MRPS6: variants seen among roughly 807,000 people sequenced by gnomAD.
MRPS6 encodes small ribosomal subunit protein bS6m.
Under a neutral mutation model 13.1 loss-of-function variants are expected in MRPS6, and 6 were observed. That is an observed-to-expected ratio of 0.46 (90% CI 0.25 to 0.91). The LOEUF (loss-of-function observed/expected upper bound fraction) is 0.91, where lower values mean the gene tolerates loss of function less well. Among genes scored for constraint, MRPS6 ranks in the 40% least tolerant of loss-of-function variants. MRPS6 has a pLI of 0.18. For synonymous variants in MRPS6, 61 were observed against 56.5 expected, an observed-to-expected ratio of 1.08 and a Z score of -0.36; for missense variants, 164 against 155.6, an observed-to-expected ratio of 1.05 and a Z score of -0.29.
At chr21:34,085,899 G>C (rs1292870763) in intron 1 of MRPS6, among the ~76,000 whole-genome samples, 1 of 152,138 alleles carries the variant, frequency 6.6e-6, no homozygotes, top group African/African-American at 2.4e-5. Flanking sequence ...ACTGCGCCCG[G>C]CCAGAAATAA....
intron 1 of MRPS6, among the ~76,000 whole-genome samples, chr21:34,090,567 A>G (rs1241255488): frequency 6.6e-6 from 1 of 152,246 alleles, no homozygotes; most frequent in Admixed American, 6.5e-5. Flanking sequence ...TAACTTGGGA[A>G]AATCCTAATA....
intron 2 of MRPS6, among the ~76,000 whole-genome samples, chr21:34,126,132 G>A (rs551785462): frequency 4.8e-4 from 73 of 152,256 alleles, no homozygotes; most frequent in Non-Finnish European, 9.6e-4. Flanking sequence ...AGGTTTTAGC[G>A]CGGTAGGAAA....
At chr21:34,081,531 A>G (rs938526570) in intron 1 of MRPS6, among the ~76,000 whole-genome samples, 5 of 152,206 alleles carry the variant, frequency 3.3e-5, no homozygotes, top group Admixed American at 2.6e-4. Flanking sequence ...TGGATGTGTT[A>G]CCATAGAATA....
At chr21:34,077,682 C>T (rs143033418) in intron 1 of MRPS6, among the ~76,000 whole-genome samples, 2,083 of 152,200 alleles carry the variant, frequency 0.014, 10 homozygotes, top group Non-Finnish European at 0.023. Flanking sequence ...TAATACTCAA[C>T]GCAGATTATA....
chr21:34,073,716 CT>C lies in MRPS6; in HGVS notation c.17del (p.Leu6ArgfsTer3). 6.5e-7 allele frequency: 1 copy of C among 1,529,450 alleles called. No individual in the cohort carries two copies. The highest frequency in any genetic ancestry group is 8.8e-7 in the Non-Finnish European group (1 of 1,132,180). 94.7% of individuals were successfully genotyped at this position (1,529,450 alleles called of 1,614,324 possible). On this transcript the variant is annotated frameshift_variant, in exon 1 of 3. Coordinates refer to ENST00000399312, the MANE Select transcript of MRPS6 (RefSeq NM_032476.4). LOFTEE classifies it high-confidence loss of function. The stretch of plus-strand genomic sequence containing the variant: ...TCCTCCAGGCATGCCCCGCTACGAG[CT>C]GGCTTTAATCCTGAAAGCCATGCAG... Reference protein sequence around the residue: MPRYELALILKAMQRP... With the variant: MPRYEXALILKAMQRP...
At chr21:34,135,923 C>G (rs1602968308) in intron 2 of MRPS6, 1 of 459,918 alleles carries the variant, frequency 2.2e-6, no homozygotes, top group East Asian at 4.8e-5. Context: ...GCATACTTCT[C>G]CTTCACTGCA....
intron 1 of MRPS6, among the ~76,000 whole-genome samples, chr21:34,088,863 G>T (rs1245819568): frequency 6.6e-6 from 1 of 151,394 alleles, no homozygotes; most frequent in Non-Finnish European, 1.5e-5. Context: ...ACTTAGGTTA[G>T]TGTAAGATTT....
chr21:34,083,693 C>A (rs1373038190), intron 1 of MRPS6, among the ~76,000 whole-genome samples: 6 of 152,168 alleles, frequency 3.9e-5, no homozygotes, highest in African/African-American at 1.2e-4. Context: ...CACCAAGTTT[C>A]CATTAGGCAG....
intron 1 of MRPS6, among the ~76,000 whole-genome samples, chr21:34,088,228 G>A (rs1227856928): frequency 4.1e-5 from 1 of 24,680 alleles, no homozygotes; most frequent in Admixed American, 5.7e-4. Flanking sequence ...ACTGGGTCAA[G>A]TATAGAATAC....
intron 1 of MRPS6, chr21:34,124,901 T>C (rs1980246365): frequency 6.5e-6 from 1 of 154,118 alleles, no homozygotes; most frequent in Non-Finnish European, 1.4e-5. Context: ...GACAACACCT[T>C]TTCCCCCTGG....
At chr21:34,132,403 C>G (rs1004386906) in intron 2 of MRPS6, among the ~76,000 whole-genome samples, 1 of 152,206 alleles carries the variant, frequency 6.6e-6, no homozygotes, top group African/African-American at 2.4e-5. Context: ...ATGCCAGTCA[C>G]CAGCTGTGCA....
At chr21:34,103,397 G>A in intron 1 of MRPS6, 10 of 995,200 alleles carry the variant, frequency 1.0e-5, no homozygotes, top group Non-Finnish European at 1.2e-5. Flanking sequence ...AGGTAGTTCT[G>A]TATTTGTGTT....
chr21:34,133,162 T>C (rs903404881), intron 2 of MRPS6, among the ~76,000 whole-genome samples: 3 of 152,354 alleles, frequency 2.0e-5, no homozygotes, highest in African/African-American at 7.2e-5. Flanking sequence ...GAAAGTACTT[T>C]GAAAATTAGA....
chr21:34,075,356 C>A (rs563253559), intron 1 of MRPS6, among the ~76,000 whole-genome samples: 43 of 152,266 alleles, frequency 2.8e-4, no homozygotes, highest in Middle Eastern at 3.4e-3. Context: ...CCATAGTTGC[C>A]AAGTATCTTG....
At chr21:34,085,524 T>G (rs1978330568) in intron 1 of MRPS6, among the ~76,000 whole-genome samples, 1 of 152,188 alleles carries the variant, frequency 6.6e-6, no homozygotes, top group Non-Finnish European at 1.5e-5. Flanking sequence ...ACTGAATCAG[T>G]TATTGCAGGA....
At chr21:34,099,373 A>G in intron 1 of MRPS6, 1 of 1,000,288 alleles carries the variant, frequency 1.0e-6, no homozygotes, top group Non-Finnish European at 1.2e-6. Context: ...GTCTGGACAA[A>G]TGGTTGTCAA....
At chr21:34,083,730 C>T (rs1455985388) in intron 1 of MRPS6, among the ~76,000 whole-genome samples, 2 of 152,202 alleles carry the variant, frequency 1.3e-5, no homozygotes. Context: ...TTTGGTAGCA[C>T]TGTTGGTCTC....
intron 1 of MRPS6, chr21:34,098,179 C>G: frequency 3.0e-6 from 3 of 999,666 alleles, no homozygotes; most frequent in Non-Finnish European, 3.6e-6. Flanking sequence ...TTGGAAATGA[C>G]CAGCCCCCTA....
At chr21:34,113,801 G>T (rs1979800286) in intron 1 of MRPS6, among the ~76,000 whole-genome samples, 1 of 152,146 alleles carries the variant, frequency 6.6e-6, no homozygotes, top group South Asian at 2.1e-4. Context: ...ACCTTACATG[G>T]ATATGTAGAA....
Sources: gnomAD v4.1 joint callset for allele counts (sites outside exome capture counted in the v4.1 genomes callset) on GRCh38, gnomAD v4.1.1 for gene constraint, MANE v1.5 for transcripts, NCBI Gene and HGNC (gene_info 2026-07-23, HGNC 2026-07-21) for gene names.